The following LTA4H variants were observed in gnomAD, a reference collection of about 807,000 sequenced individuals.
LTA4H encodes the protein leukotriene A4 hydrolase.
Under a neutral mutation model 89.8 loss-of-function variants are expected in LTA4H, and 59 were observed. The observed-to-expected ratio is 0.66, with a 90% CI of 0.53 to 0.82. The LOEUF is 0.82. Among genes scored for constraint, LTA4H ranks in the 40% least tolerant of loss-of-function variants. The probability of loss-of-function intolerance (pLI) is 0.00; values close to 1 mark genes in which losing one functional copy is unlikely to be tolerated. For synonymous variants in LTA4H, 227 were observed against 253.1 expected (o/e 0.90, Z 0.98); for missense variants, 617 against 727.0 (o/e 0.85, Z 1.74).
rs750464533 is a variant in LTA4H at position 96,035,480 on chromosome 12, C to G, written c.40G>C (p.Ala14Pro). 1.9e-6 allele frequency: 3 copies of G among 1,608,680 alleles called. No homozygotes were observed. The African/African-American group carries it at 4.0e-5, about 21-fold the overall frequency. The change falls in exon 1 of 19, where the codon GCT becomes CCT. Residue 14 changes from alanine to proline, a missense_variant. By Grantham distance (27) the Ala-to-Pro change is conservative. Around this residue, in one of 3 missense-constraint regions of LTA4H, gnomAD observed 155 missense variants for 143.3 expected, o/e 1.08. Coordinates refer to ENST00000228740, the MANE Select transcript of LTA4H (RefSeq NM_000895.3). ...IVDTCSLASP[A>P]SVCRTKHLHL... ...AGGTGCTTGGTCCGGCAGACGGAAG[C>G]CGGAGAGGCCAACGAACAGGTATCC...
rs762948665 is a variant in LTA4H, at chr12:96,014,909, A to G, written c.1150T>C (p.Tyr384His). 4 of 1,613,816 alleles carry G rather than the reference A, an allele frequency of 2.5e-6. No individual in the cohort carries two copies. Among genetic ancestry groups the G allele is most frequent in the Non-Finnish European group, 1.7e-6 (2 of 1,179,810 alleles). Residue 384 changes from tyrosine to histidine, a missense_variant, in exon 12 of 19, where the codon TAT (tyrosine) becomes CAT (histidine). By Grantham distance (83) the Tyr-to-His change is moderately conservative (BLOSUM62 2). Coordinates refer to ENST00000228740, the MANE Select transcript of LTA4H (RefSeq NM_000895.3). ...DPDVAYSSVP[Y>H]EKGFALLFYL... ...AAAAGTAAAGCAAAGCCCTTCTCAT[A>G]GGGAACTGAAGAATAAGCTACATCA... is the stretch of plus-strand genomic sequence containing the variant.
At chr12:96,004,487 T>C (rs992945540) in intron 16 of LTA4H, among the ~76,000 whole-genome samples, 7 of 152,196 alleles carry the variant, frequency 4.6e-5, no homozygotes, top group Admixed American at 3.3e-4. Context: ...CAAACTTCTG[T>C]ATACAATTTC....
upstream of LTA4H, among the ~76,000 whole-genome samples, chr12:96,035,828 G>A (rs1184209047): frequency 1.3e-5 from 2 of 152,130 alleles, no homozygotes; most frequent in African/African-American, 4.8e-5. Flanking sequence ...CAGTTAGAAG[G>A]GTGGCCGAAG....
chr12:96,015,020 T>A, intron 11 of LTA4H, 21 bp from the exon 12 acceptor site: 2 of 1,605,396 alleles, frequency 1.2e-6, no homozygotes, highest in Non-Finnish European at 1.7e-6. Flanking sequence ...TGAAATAACA[T>A]GGAGAAACAT....
At chr12:96,039,730 C>T (rs533291767), upstream of LTA4H, among the ~76,000 whole-genome samples, 34 of 152,172 alleles carry the variant, frequency 2.2e-4, no homozygotes, top group Admixed American at 1.1e-3. Flanking sequence ...AATGCATTTA[C>T]GGGAAATTTC....
At position 96,029,141 on chromosome 12, in the gene LTA4H, A is replaced by G. The variant is rs570818879; in HGVS notation, c.204T>C (p.Asn68=). Residue 68 remains asparagine, a synonymous_variant, in exon 2 of 19, where the codon AAT becomes AAC. Transcript: ENST00000228740. ...KDLTIEKVVI[N]GQEVKYALGE... is the part of the protein sequence containing the mutation. ...CAAGAGCATATTTGACTTCTTGTCC[A>G]TTGATCACTACTTTTTCTATTGTAA... 1.3e-6 allele frequency: 2 copies of G among 1,583,602 alleles called. No individual in the cohort carries two copies. Among genetic ancestry groups the G allele is most frequent in the South Asian group, 1.1e-5 (1 of 87,538 alleles).
At chr12:96,041,587 C>T (rs1478834748) in intron 1 of LTA4H, among the ~76,000 whole-genome samples, 1 of 152,046 alleles carries the variant, frequency 6.6e-6, no homozygotes, top group African/African-American at 2.4e-5. Context: ...ATGTGTATCC[C>T]CCTTTACACC....
chr12:96,035,335 G>T (rs1429092213), intron 1 of LTA4H, 26 bp downstream of exon 1: 1 of 1,576,942 alleles, frequency 6.3e-7, no homozygotes, highest in Non-Finnish European at 8.7e-7. Context: ...GGGAGAGGCG[G>T]GCACTGGGCA....
At chr12:96,027,314 C>A in intron 3 of LTA4H, 130 bp downstream of exon 3, 1 of 695,376 alleles carries the variant, frequency 1.4e-6, no homozygotes, top group South Asian at 2.4e-5. Context: ...TTATATGTTT[C>A]TATAAGATCA....
intron 1 of LTA4H, among the ~76,000 whole-genome samples, 189 bp from the exon 2 acceptor site, chr12:96,029,374 G>T (rs1173950291): frequency 6.6e-6 from 1 of 152,012 alleles, no homozygotes; most frequent in East Asian, 1.9e-4. Context: ...AAATTTTTGG[G>T]TTCTAAGATT....
At chr12:96,014,710 C>A in intron 12 of LTA4H, 145 bp downstream of exon 12, 2 of 744,518 alleles carry the variant, frequency 2.7e-6, no homozygotes, top group Admixed American at 3.2e-5. Flanking sequence ...AGAGGTAACT[C>A]AGAAAACAAT....
chr12:96,029,185 C>T lies in LTA4H; in HGVS notation c.160G>A (p.Val54Ile). 6.7e-7 allele frequency: 1 copy of T among 1,490,264 alleles called. No individual in the cohort carries two copies. The allele number at this position is 1,490,264 out of a possible 1,614,324, so 92.3% of individuals were successfully genotyped here. ...ATTGTAAGGTCCTTTGTATCCAAAA[C>T]CTAAAATTAATATTTTTAAATAGTA... is the stretch of plus-strand genomic sequence containing the variant. ...QSQEDNLRSLVLDTKDLTIEK... is the reference protein window; with the variant it reads ...QSQEDNLRSLILDTKDLTIEK... The change falls in exon 2 of 19, where the codon GTT (valine) becomes ATT (isoleucine). Residue 54 changes from valine to isoleucine, a missense_variant and splice_region_variant. Val to Ile is a conservative substitution (Grantham distance 29). Transcript: ENST00000228740.
At chr12:96,015,223 T>C (rs1047753351) in intron 11 of LTA4H, 9 of 494,858 alleles carry the variant, frequency 1.8e-5, no homozygotes, top group African/African-American at 1.8e-4. Flanking sequence ...TAATACAGGC[T>C]TTATTCTTAT....
chr12:96,042,618 G>A (rs1419528794), intron 1 of LTA4H, among the ~76,000 whole-genome samples: 1 of 152,128 alleles, frequency 6.6e-6, no homozygotes, highest in African/African-American at 2.4e-5. Context: ...AATCACCTAC[G>A]TCTTTAGATG....
At chr12:96,004,979 C>T (rs1950175324) in intron 16 of LTA4H, among the ~76,000 whole-genome samples, 1 of 152,128 alleles carries the variant, frequency 6.6e-6, no homozygotes, top group Admixed American at 6.5e-5. Flanking sequence ...TTGATGGGTC[C>T]TTTGTTGCGT....
chr12:96,009,034 T>G, intron 15 of LTA4H, 60 bp downstream of exon 15: 1 of 1,246,450 alleles, frequency 8.0e-7, no homozygotes, highest in Non-Finnish European at 1.2e-6. Context: ...CCCTGCTTCA[T>G]GAGTAAAGAC....
chr12:96,013,061 C>T, intron 14 of LTA4H, 127 bp downstream of exon 14: 1 of 723,838 alleles, frequency 1.4e-6, no homozygotes, highest in South Asian at 1.8e-5. Flanking sequence ...GGCCAAAACA[C>T]CTAAGAACTC....
chr12:96,002,761 C>G (rs1487182170), intron 18 of LTA4H, among the ~76,000 whole-genome samples, 199 bp downstream of exon 18: 1 of 152,010 alleles, frequency 6.6e-6, no homozygotes, highest in Non-Finnish European at 1.5e-5. Context: ...AAATAGTAAT[C>G]CATATATAAT....
chr12:96,040,543 C>G (rs560621984), upstream of LTA4H, among the ~76,000 whole-genome samples: 1 of 152,248 alleles, frequency 6.6e-6, no homozygotes, highest in South Asian at 2.1e-4. Context: ...ACTTTATTTT[C>G]TTTTTAACCT....
Sources: allele counts gnomAD v4.1 joint callset (sites outside exome capture counted in the v4.1 genomes callset), GRCh38; gene constraint gnomAD v4.1.1; regional missense constraint gnomAD v4.1.1; transcripts MANE v1.5; gene names NCBI Gene and HGNC (gene_info 2026-07-23, HGNC 2026-07-21).